GAS7: variants seen among roughly 807,000 people sequenced by gnomAD.
GAS7 encodes growth arrest-specific protein 7.
A neutral mutation model predicts 71.1 loss-of-function variants in GAS7; 28 were observed. The ratio of observed to expected loss-of-function variants is 0.39; its 90% CI spans 0.29 to 0.54. GAS7 has a LOEUF of 0.54. Ranked by LOEUF, GAS7 falls within the 20% of genes least tolerant of loss-of-function variation. The pLI, the probability that GAS7 is intolerant of heterozygous loss-of-function variation, is 0.62. For synonymous variants in GAS7, 258 were observed against 245.8 expected (o/e 1.05, Z -0.46); for missense variants, 436 against 627.8 (o/e 0.69, Z 3.27).
In GAS7 at chr17:10,049,096, A is replaced by G. The variant is rs564834607; in HGVS notation, c.184-29199T>C. 1.1e-4 allele frequency among the ~76,000 whole-genome samples: 16 copies of G among 152,322 alleles called. No individual in the cohort carries two copies. In the South Asian group the frequency reaches 3.3e-3, roughly 32 times the overall value. Reference sequence around the variant, plus strand: ...TCTGTCCAGGCGCATACCAACAATGAGGACTATTCAAGCTTTAGGGACACT... The same window carrying G: ...TCTGTCCAGGCGCATACCAACAATGGGGACTATTCAAGCTTTAGGGACACT... On this transcript the variant is annotated intron_variant, in intron 1 of 13. Coordinates refer to ENST00000432992, the MANE Select transcript of GAS7 (RefSeq NM_201433.2).
intron 11 of GAS7, among the ~76,000 whole-genome samples, chr17:9,923,107 C>A (rs531881096): frequency 2.0e-5 from 3 of 152,302 alleles, no homozygotes; most frequent in African/African-American, 7.2e-5. Context: ...CGAGGTTTCA[C>A]TATGTTGGCC....
intron 2 of GAS7, among the ~76,000 whole-genome samples, chr17:9,987,624 A>G (rs1459249106): frequency 6.6e-6 from 1 of 152,204 alleles, no homozygotes; most frequent in African/African-American, 2.4e-5. Context: ...TAAATGAATA[A>G]ATGAATGGAT....
chr17:10,096,452 T>G (rs1174957671), intron 1 of GAS7, among the ~76,000 whole-genome samples: 1 of 152,156 alleles, frequency 6.6e-6, no homozygotes, highest in Non-Finnish European at 1.5e-5. Context: ...GCACAAGTCC[T>G]TCAGGGAGCT....
intron 1 of GAS7, chr17:10,036,287 G>A: frequency 1.3e-6 from 1 of 741,096 alleles, no homozygotes; most frequent in South Asian, 1.5e-5. Flanking sequence ...CTAGCACACA[G>A]GGTCCCCAGA....
At chr17:10,134,780 AC>A (rs1389124909) in intron 1 of GAS7, among the ~76,000 whole-genome samples, 2 of 150,770 alleles carry the variant, frequency 1.3e-5, no homozygotes, top group African/African-American at 4.9e-5. Flanking sequence ...GAGCAGGGCT[AC>A]CCCCTGGGCA....
chr17:10,191,854 A>C (rs1325450008), intron 1 of GAS7, among the ~76,000 whole-genome samples: 7 of 146,578 alleles, frequency 4.8e-5, no homozygotes. Context: ...CAGCCTGGGC[A>C]ACAAAGCAAG....
intron 5 of GAS7, among the ~76,000 whole-genome samples, chr17:9,950,122 C>T (rs2068948461): frequency 6.6e-6 from 1 of 152,078 alleles, no homozygotes; most frequent in Admixed American, 6.5e-5. Flanking sequence ...CCTCGGCCTC[C>T]CAAAGTGCTG....
Position 9,981,955 on chromosome 17 carries a change from AAGG to A in GAS7, c.305-74_305-72del, listed in dbSNP as rs2070427323. The A allele has an allele frequency of 2.3e-6, 2 of 859,840 alleles. No homozygotes were observed. Among genetic ancestry groups the A allele is most frequent in the South Asian group, 1.3e-5 (1 of 74,116 alleles). 53.3% of individuals were successfully genotyped at this position (859,840 alleles called of 1,614,324 possible). Reference sequence around the variant, plus strand: ...GCAGAACCTGAGTTTCACAGAGCAGAAGGAGATGCTCAGAGCTGGAGAAAAAGA... The same window carrying A: ...GCAGAACCTGAGTTTCACAGAGCAGAAGATGCTCAGAGCTGGAGAAAAAGA... On this transcript the variant is annotated intron_variant, in intron 2 of 13. Transcript: ENST00000432992. The surrounding 1 kb of genome is among the most constrained non-coding windows in gnomAD (Gnocchi z 4.4).
chr17:10,079,429 TTCAACACAG>T (rs1458424516), intron 1 of GAS7, among the ~76,000 whole-genome samples: 2 of 152,184 alleles, frequency 1.3e-5, no homozygotes, highest in Non-Finnish European at 2.9e-5. Flanking sequence ...CAGCATTAAC[TTCAACACAG>T]ACCTTATGTC....
At position 9,969,853 on chromosome 17, in the gene GAS7, T is replaced by C. The variant is rs2069886523; in HGVS notation, c.386-91A>G. On this transcript the variant is annotated intron_variant, in intron 3 of 13. Coordinates refer to ENST00000432992, the MANE Select transcript of GAS7 (RefSeq NM_201433.2). This position sits in a 1 kb window ranked among gnomAD's most constrained non-coding sequence, Gnocchi z 5.5. ...CACTGCAGCCCCTTTTCCCACCTCC[T>C]TCCTTGGCTCTGAGAGGTCTTGCGT... 1.2e-6 allele frequency: 1 copy of C among 818,378 alleles called. No homozygotes were observed. The highest frequency in any genetic ancestry group is 1.4e-5 in the South Asian group (1 of 69,678). 50.7% of individuals were successfully genotyped at this position (818,378 alleles called of 1,614,324 possible).
At chr17:10,128,359 C>G (rs1306306096) in intron 1 of GAS7, among the ~76,000 whole-genome samples, 1 of 152,224 alleles carries the variant, frequency 6.6e-6, no homozygotes, top group Non-Finnish European at 1.5e-5. Flanking sequence ...TGGCTGCTCC[C>G]AGGAGCCATT....
intron 2 of GAS7, among the ~76,000 whole-genome samples, chr17:10,005,183 G>A (rs901492028): frequency 6.6e-6 from 1 of 151,164 alleles, no homozygotes; most frequent in Non-Finnish European, 1.5e-5. Context: ...GCATGTATGT[G>A]TATGTGCACG....
intron 1 of GAS7, among the ~76,000 whole-genome samples, chr17:10,180,305 T>C (rs2074404536): frequency 7.6e-6 from 1 of 131,286 alleles, no homozygotes; most frequent in Non-Finnish European, 1.5e-5. Flanking sequence ...CACTCCAGCC[T>C]GGAGGGACAG....
rs76494320 is a variant in GAS7, at chr17:9,982,284, T to C, written c.305-400A>G. ...CCTGAAGTTGCCAACCAGGTATTTC[T>C]CCCCAAATGTCCACTGTTACCTGAA... On this transcript the variant is annotated intron_variant, in intron 2 of 13. Coordinates refer to ENST00000432992, the MANE Select transcript of GAS7 (RefSeq NM_201433.2). Among the ~76,000 whole-genome samples the C allele has an allele frequency of 4.5e-3, 689 of 152,228 alleles. 14 individuals carry two copies. The highest frequency in any genetic ancestry group is 0.041 in the East Asian group (214 of 5,162).
intron 1 of GAS7, among the ~76,000 whole-genome samples, chr17:10,144,466 C>A (rs899307617): frequency 2.0e-5 from 3 of 152,214 alleles, no homozygotes; most frequent in Admixed American, 2.0e-4. Context: ...AGTGGCCAAT[C>A]TCGGCAGATC....
chr17:9,948,429 A>G (rs1276806897), intron 5 of GAS7, among the ~76,000 whole-genome samples: 3 of 152,258 alleles, frequency 2.0e-5, no homozygotes, highest in Admixed American at 2.0e-4. Context: ...TCACGCCTGT[A>G]ATCCCAGCAC....
intron 1 of GAS7, among the ~76,000 whole-genome samples, chr17:10,045,234 T>G (rs1177381804): frequency 6.6e-6 from 1 of 152,026 alleles, no homozygotes; most frequent in African/African-American, 2.4e-5. Context: ...AAGATGCCAT[T>G]AAAGAAGAGA....
intron 2 of GAS7, among the ~76,000 whole-genome samples, chr17:10,017,042 G>A (rs977401777): frequency 5.3e-5 from 8 of 150,920 alleles, no homozygotes; most frequent in South Asian, 2.1e-4. Context: ...GAGATGGGAG[G>A]AGTGTTTGAG....
At chr17:10,135,897 T>G (rs904446206) in intron 1 of GAS7, among the ~76,000 whole-genome samples, 2 of 152,010 alleles carry the variant, frequency 1.3e-5, no homozygotes, top group Admixed American at 1.3e-4. Context: ...GGGGAAGACT[T>G]GAGGCTGTAA....
Sources: allele counts gnomAD v4.1 joint callset (sites outside exome capture counted in the v4.1 genomes callset), GRCh38; gene constraint gnomAD v4.1.1; non-coding constraint Gnocchi (gnomAD v3.1); transcripts MANE v1.5; gene names NCBI Gene and HGNC (gene_info 2026-07-23, HGNC 2026-07-21).